The following CSMD1 variants were observed in gnomAD, a reference collection of about 807,000 sequenced individuals.
The protein encoded by CSMD1 is CUB and Sushi multiple domains 1, also known as CUB and sushi domain-containing protein 1.
Under a neutral mutation model 417.5 loss-of-function variants are expected in CSMD1, and 213 were observed. That is an observed-to-expected ratio of 0.51 (90% CI 0.46 to 0.57). The LOEUF (loss-of-function observed/expected upper bound fraction) is 0.57, where lower values mean the gene tolerates loss of function less well. CSMD1 is among the 20% of genes least tolerant of loss of function. The pLI is 0.00. For missense variants in CSMD1, 6,923 were observed against 4,529.7 expected, an observed-to-expected ratio of 1.53 and a Z score of -15.17; for synonymous variants, 2,862 against 1,736.8, an observed-to-expected ratio of 1.65 and a Z score of -16.11.
chr8:4,829,647 G>C (rs1563520898), intron 1 of CSMD1, among the ~76,000 whole-genome samples: 1 of 151,916 alleles, frequency 6.6e-6, no homozygotes. Context: ...GGCTGAGGAG[G>C]GGGGATCGCT....
intron 8 of CSMD1, among the ~76,000 whole-genome samples, chr8:3,594,898 C>G (rs1801020102): frequency 1.3e-5 from 2 of 152,102 alleles, no homozygotes; most frequent in African/African-American, 4.8e-5. Context: ...ACCTTTGGAA[C>G]TAATGTGAGC....
At chr8:4,330,723 C>G (rs762978796) in intron 3 of CSMD1, among the ~76,000 whole-genome samples, 1 of 152,150 alleles carries the variant, frequency 6.6e-6, no homozygotes, top group Non-Finnish European at 1.5e-5. Flanking sequence ...ATACCCCAAT[C>G]AAGTTCGTGA....
At chr8:4,080,350 G>A (rs914903714) in intron 3 of CSMD1, among the ~76,000 whole-genome samples, 1 of 150,852 alleles carries the variant, frequency 6.6e-6, no homozygotes, top group Non-Finnish European at 1.5e-5. Flanking sequence ...AGTGAAAGGT[G>A]AAGCAAAATC....
intron 11 of CSMD1, among the ~76,000 whole-genome samples, chr8:3,489,020 G>C (rs1818218493): frequency 6.6e-6 from 1 of 152,128 alleles, no homozygotes; most frequent in African/African-American, 2.4e-5. Context: ...CATGTTTAGT[G>C]ATTAACTCTG....
At chr8:3,108,772 C>G in intron 43 of CSMD1, 24 bp from the exon 44 acceptor site, 4 of 1,595,104 alleles carry the variant, frequency 2.5e-6, no homozygotes, top group Non-Finnish European at 3.4e-6. Context: ...AAAGAGGTGG[C>G]TGGCTAAGGA....
At chr8:4,433,389 A>G (rs761863003) in intron 2 of CSMD1, among the ~76,000 whole-genome samples, 5 of 152,136 alleles carry the variant, frequency 3.3e-5, no homozygotes, top group Non-Finnish European at 7.3e-5. Context: ...ACATCATTAC[A>G]TAAATTTCTA....
intron 1 of CSMD1, among the ~76,000 whole-genome samples, chr8:4,955,261 C>A (rs886728371): frequency 1.4e-4 from 22 of 152,212 alleles, no homozygotes; most frequent in African/African-American, 5.3e-4. Flanking sequence ...CACAGTCATC[C>A]TTAAAAACCA....
chr8:4,005,886 A>G (rs1816071729), intron 4 of CSMD1, among the ~76,000 whole-genome samples: 1 of 152,228 alleles, frequency 6.6e-6, no homozygotes, highest in Admixed American at 6.5e-5. Flanking sequence ...GCTGGCTGCC[A>G]AAATCACTGG....
At chr8:4,108,396 A>G (rs752701565) in intron 3 of CSMD1, among the ~76,000 whole-genome samples, 16 of 152,192 alleles carry the variant, frequency 1.1e-4, no homozygotes, top group Non-Finnish European at 1.5e-4. Flanking sequence ...ACTCTCGACC[A>G]TGTTCATAGC....
At chr8:3,879,188 ACTTCT>A (rs1391055835) in intron 5 of CSMD1, among the ~76,000 whole-genome samples, 2 of 152,112 alleles carry the variant, frequency 1.3e-5, no homozygotes. Flanking sequence ...ATTACAGCAC[ACTTCT>A]CTTTGCCTAG....
chr8:4,671,239 G>C (rs1437571482), intron 1 of CSMD1, among the ~76,000 whole-genome samples: 1 of 152,072 alleles, frequency 6.6e-6, no homozygotes, highest in African/African-American at 2.4e-5. Context: ...TACCATTGAA[G>C]TCATTAGATA....
intron 1 of CSMD1, among the ~76,000 whole-genome samples, chr8:4,765,034 T>C (rs1449022756): frequency 2.0e-5 from 3 of 152,124 alleles, no homozygotes; most frequent in Non-Finnish European, 2.9e-5. Context: ...AGCAACTGCA[T>C]GTTTTCGCAC....
intron 1 of CSMD1, among the ~76,000 whole-genome samples, chr8:4,940,655 T>C (rs1323050253): frequency 6.6e-6 from 1 of 152,238 alleles, no homozygotes; most frequent in Non-Finnish European, 1.5e-5. Context: ...TCTTACGTTC[T>C]TTAACACATA....
intron 2 of CSMD1, among the ~76,000 whole-genome samples, chr8:4,571,509 G>C (rs190372630): frequency 1.2e-4 from 18 of 152,256 alleles, no homozygotes; most frequent in African/African-American, 4.3e-4. Flanking sequence ...CTGAGAGACT[G>C]TTTGTTATGA....
At chr8:4,958,384 T>A (rs1319056150) in intron 1 of CSMD1, among the ~76,000 whole-genome samples, 1 of 152,192 alleles carries the variant, frequency 6.6e-6, no homozygotes, top group Non-Finnish European at 1.5e-5. Context: ...TTTAAAACAA[T>A]TTTTAAGCAA....
At chr8:4,620,471 T>C (rs951287827) in intron 2 of CSMD1, among the ~76,000 whole-genome samples, 1 of 151,654 alleles carries the variant, frequency 6.6e-6, no homozygotes, top group African/African-American at 2.4e-5. Flanking sequence ...TCTACTTTTA[T>C]AGCTGAACTA....
At chr8:4,114,703 A>G (rs1366316112) in intron 3 of CSMD1, among the ~76,000 whole-genome samples, 1 of 152,210 alleles carries the variant, frequency 6.6e-6, no homozygotes, top group African/African-American at 2.4e-5. Flanking sequence ...TCAAAATTTC[A>G]AAATGAATAG....
chr8:3,740,338 T>G (rs1796733039), intron 6 of CSMD1, among the ~76,000 whole-genome samples: 1 of 152,170 alleles, frequency 6.6e-6, no homozygotes, highest in Non-Finnish European at 1.5e-5. Context: ...ACTCCTTAAC[T>G]CAAATGATCC....
intron 3 of CSMD1, among the ~76,000 whole-genome samples, chr8:4,115,174 G>A (rs930369439): frequency 6.6e-6 from 1 of 152,142 alleles, no homozygotes; most frequent in Non-Finnish European, 1.5e-5. Flanking sequence ...AATTTTCACA[G>A]CTACCCCAGC....
Sources: allele counts gnomAD v4.1 joint callset (sites outside exome capture counted in the v4.1 genomes callset), GRCh38; gene constraint gnomAD v4.1.1; transcripts MANE v1.5; gene names NCBI Gene and HGNC (gene_info 2026-07-23, HGNC 2026-07-21).